The following TBC1D14 variants were observed in gnomAD, a reference collection of about 807,000 sequenced individuals.
The protein encoded by TBC1D14 is TBC1 domain family, member 14.
A neutral mutation model predicts 79.0 loss-of-function variants in TBC1D14; 26 were observed. That is an observed-to-expected ratio of 0.33 (90% confidence interval 0.24 to 0.46). The LOEUF (loss-of-function observed/expected upper bound fraction) is 0.46, where lower values mean the gene tolerates loss of function less well. Among genes scored for constraint, TBC1D14 ranks in the 20% least tolerant of loss-of-function variants. TBC1D14 has a pLI of 1.00. For missense variants in TBC1D14, 769 were observed against 887.6 expected (o/e 0.87, Z 1.70); for synonymous variants, 394 against 349.9 (o/e 1.13, Z -1.40).
chr4:6,931,210 C>G (rs776960595), intron 2 of TBC1D14, among the ~76,000 whole-genome samples: 3 of 152,194 alleles, frequency 2.0e-5, no homozygotes, highest in East Asian at 1.9e-4. Context: ...CACTCTGGGT[C>G]GTCTGACACT....
intron 2 of TBC1D14, among the ~76,000 whole-genome samples, chr4:6,952,714 T>TA (rs1469688508): frequency 6.6e-6 from 1 of 152,216 alleles, no homozygotes; most frequent in Non-Finnish European, 1.5e-5. Context: ...AGCTGACTGT[T>TA]AGAGGATGCT....
intron 3 of TBC1D14, among the ~76,000 whole-genome samples, chr4:6,970,212 C>T (rs1716100716): frequency 6.6e-6 from 1 of 152,208 alleles, no homozygotes; most frequent in South Asian, 2.1e-4. Context: ...GAGAGAGCAA[C>T]ATCACGTGGT....
chr4:6,927,359 G>A (rs78799784), intron 2 of TBC1D14, among the ~76,000 whole-genome samples: 3,404 of 152,146 alleles, frequency 0.022, 60 homozygotes, highest in Non-Finnish European at 0.032. Flanking sequence ...TGGGTTTCTC[G>A]TGAGTCCTCC....
intron 2 of TBC1D14, among the ~76,000 whole-genome samples, chr4:6,957,444 G>T (rs942120708): frequency 6.6e-6 from 1 of 152,212 alleles, no homozygotes; most frequent in Non-Finnish European, 1.5e-5. Context: ...AAAGTTGCTG[G>T]CATGGTACGG....
chr4:7,010,040 G>T, intron 10 of TBC1D14, 92 bp downstream of exon 10: 1 of 1,433,858 alleles, frequency 7.0e-7, no homozygotes, highest in Non-Finnish European at 9.8e-7. Context: ...TGTCATGCCA[G>T]TGCCTTCGTT....
chr4:6,939,370 C>T (rs1216953044), intron 2 of TBC1D14, among the ~76,000 whole-genome samples: 1 of 150,402 alleles, frequency 6.6e-6, no homozygotes, highest in Non-Finnish European at 1.5e-5. Context: ...CGACTCCCAG[C>T]TCTGTGGCTG....
chr4:7,024,324 C>T (rs1437197477), intron 12 of TBC1D14, among the ~76,000 whole-genome samples: 2 of 152,216 alleles, frequency 1.3e-5, no homozygotes, highest in Admixed American at 6.5e-5. Flanking sequence ...AAATACTGAA[C>T]TCCGTAAGAG....
chr4:6,946,043 C>T (rs1010862261), intron 2 of TBC1D14, among the ~76,000 whole-genome samples: 1 of 152,134 alleles, frequency 6.6e-6, no homozygotes, highest in African/African-American at 2.4e-5. Flanking sequence ...ACTTTCAATT[C>T]AGACTTCAGC....
At chr4:7,014,879 G>A (rs545431934) in intron 12 of TBC1D14, among the ~76,000 whole-genome samples, 4 of 152,374 alleles carry the variant, frequency 2.6e-5, no homozygotes, top group African/African-American at 9.6e-5. Flanking sequence ...GGCAGCGCTT[G>A]CCTGTCAGGA....
rs1333434062 is a variant in TBC1D14, at chr4:6,936,203, G to A, written c.722+12092G>A. ...GTCTACATCAGGGGCCACCCTGGGT[G>A]CTGTGCACTCTGTGGGTTTGGACAG... On this transcript the variant is annotated intron_variant, in intron 2 of 13. Transcript: ENST00000409757. 3.3e-5 allele frequency among the ~76,000 whole-genome samples: 5 copies of A among 152,310 alleles called. No individual in the cohort carries two copies. The East Asian group carries it at 9.6e-4, about 29-fold the overall frequency.
chr4:7,010,641 C>T lies in TBC1D14; in HGVS notation c.1519-12C>T. ...CACTGTGATTTTAACGTGCCTTTCT[C>T]TCCTCTCTCAGGTCCAGGGCATGTC... On this transcript the variant is annotated splice_polypyrimidine_tract_variant and intron_variant, in intron 10 of 13. Transcript: ENST00000409757. The T allele has an allele frequency of 6.2e-7, 1 of 1,608,742 alleles. No individual in the cohort carries two copies. Among genetic ancestry groups the T allele is most frequent in the South Asian group, 1.1e-5 (1 of 90,232 alleles).
chr4:7,019,390 T>TG (rs144791082), intron 12 of TBC1D14, among the ~76,000 whole-genome samples: 2,515 of 152,256 alleles, frequency 0.017, 69 homozygotes, highest in African/African-American at 0.057. Context: ...TGCTGCCTCT[T>TG]GCACTTGGGT....
At chr4:7,010,816 T>C (rs1488306508) in intron 11 of TBC1D14, 35 bp downstream of exon 11, 1 of 1,591,316 alleles carries the variant, frequency 6.3e-7, no homozygotes, top group Non-Finnish European at 8.5e-7. Context: ...CTGGGTACTG[T>C]GTCTTTAAAT....
chr4:6,996,490 G>C (rs1324652074), intron 5 of TBC1D14, 83 bp downstream of exon 5: 2 of 1,071,600 alleles, frequency 1.9e-6, no homozygotes, highest in African/African-American at 1.6e-5. Context: ...ACCATTTGGA[G>C]TCATAGAACC....
At chr4:6,915,967 AT>A (rs1228408666) in intron 1 of TBC1D14, among the ~76,000 whole-genome samples, 2 of 150,626 alleles carry the variant, frequency 1.3e-5, no homozygotes, top group African/African-American at 4.9e-5. Context: ...AAAAAAAAAA[AT>A]GCAAAAAATT....
At position 6,923,685 on chromosome 4, in the gene TBC1D14, G is replaced by A. The variant is rs1577463810; in HGVS notation, c.296G>A (p.Arg99Gln). 4 of 1,613,732 alleles carry A rather than the reference G, an allele frequency of 2.5e-6. No homozygotes were observed. Among genetic ancestry groups the A allele is most frequent in the Non-Finnish European group, 3.4e-6 (4 of 1,180,018 alleles). ...TCCGACTCCGACCTCATCCCCGAGC[G>A]GGCCTTCCAGAGCGCCTGCGCGCTG... is the stretch of plus-strand genomic sequence containing the variant. The part of the protein sequence containing the change: ...KQSDSDLIPE[R>Q]AFQSACALPS... Residue 99 changes from arginine to glutamine, a missense_variant, in exon 2 of 14, where the codon CGG (arginine) becomes CAG (glutamine). Transcript: ENST00000409757.
chr4:7,016,732 A>G lies in TBC1D14; in HGVS notation c.1757+2175A>G, dbSNP rs61179947. Among the ~76,000 whole-genome samples the G allele has an allele frequency of 7.6e-4, 116 of 152,304 alleles. 1 individual carries two copies. Among genetic ancestry groups the G allele is most frequent in the East Asian group, 2.7e-3 (14 of 5,184 alleles). ...ATTCTGAAATATTGTACTTTGTTCT[A>G]TTTATTCCAAAAAATGCTGGTGATA... On this transcript the variant is annotated intron_variant, in intron 12 of 13. Transcript: ENST00000409757.
At chr4:6,999,950 G>A (rs1318679499) in intron 6 of TBC1D14, among the ~76,000 whole-genome samples, 3 of 152,146 alleles carry the variant, frequency 2.0e-5, no homozygotes, top group Non-Finnish European at 2.9e-5. Flanking sequence ...GGGGGCCAGT[G>A]TGCGGGCAGA....
chr4:6,996,469 A>G, intron 5 of TBC1D14, 62 bp downstream of exon 5: 1 of 1,308,202 alleles, frequency 7.6e-7, no homozygotes, highest in African/African-American at 1.5e-5. Context: ...CTTTCTGGTT[A>G]TTTTCTTTTT....
Sources: gnomAD v4.1 joint callset for allele counts (sites outside exome capture counted in the v4.1 genomes callset) on GRCh38, gnomAD v4.1.1 for gene constraint, MANE v1.5 for transcripts, NCBI Gene and HGNC (gene_info 2026-07-23, HGNC 2026-07-21) for gene names.